The following TTC7B variants were observed in gnomAD, a reference collection of about 807,000 sequenced individuals.
TTC7B encodes tetratricopeptide repeat domain 7B.
A neutral mutation model predicts 106.8 loss-of-function variants in TTC7B; 28 were observed. That is an observed-to-expected ratio of 0.26 (90% CI 0.19 to 0.36). The LOEUF (loss-of-function observed/expected upper bound fraction) is 0.36. TTC7B is among the 10% of genes least tolerant of loss of function. The pLI, the probability that TTC7B is intolerant of heterozygous loss-of-function variation, is 1.00. For missense variants in TTC7B, 862 were observed against 1,076.4 expected (o/e 0.80, Z 2.79); for synonymous variants, 405 against 430.6 (o/e 0.94, Z 0.74).
chr14:90,573,601 T>TCTCCGG (rs1181529242), intron 19 of TTC7B, among the ~76,000 whole-genome samples: 41 of 146,412 alleles, frequency 2.8e-4, no homozygotes, highest in Non-Finnish European at 5.1e-4. Context: ...TCACGGTCCC[T>TCTCCGG]CTCAGCTCAC....
chr14:90,690,293 C>T lies in TTC7B; in HGVS notation c.778-581G>A, dbSNP rs79791043. On this transcript the variant is annotated intron_variant, in intron 6 of 19. Coordinates refer to ENST00000328459, the MANE Select transcript of TTC7B (RefSeq NM_001010854.2). ...CTCCTGGCCCAGAGGTTTTCACTGG[C>T]CTTGTGCAATAGGGAAGGCAAAGTG... 2.6e-3 allele frequency among the ~76,000 whole-genome samples: 401 copies of T among 152,294 alleles called. 2 individuals are homozygous for T. Among genetic ancestry groups the T allele is most frequent in the African/African-American group, 9.1e-3 (377 of 41,554 alleles).
chr14:90,731,209 C>T (rs1390299426), intron 4 of TTC7B, among the ~76,000 whole-genome samples: 3 of 152,142 alleles, frequency 2.0e-5, no homozygotes, highest in Non-Finnish European at 4.4e-5. Flanking sequence ...CCTTGGCCTC[C>T]CAAAGTGCTG....
chr14:90,709,918 T>C (rs1749709), intron 5 of TTC7B, among the ~76,000 whole-genome samples: 4 of 145,398 alleles, frequency 2.8e-5, no homozygotes, highest in Non-Finnish European at 6.0e-5. Context: ...TTCTAATGAG[T>C]GCAATTTCAT....
At chr14:90,618,094 G>T (rs762833013) in intron 15 of TTC7B, 49 bp from the exon 16 acceptor site, 19 of 1,400,154 alleles carry the variant, frequency 1.4e-5, no homozygotes, top group Non-Finnish European at 1.9e-5. Context: ...AAGCCACAGA[G>T]TCCCCATCCC....
intron 1 of TTC7B, among the ~76,000 whole-genome samples, chr14:90,799,573 A>G (rs1178623683): frequency 6.6e-6 from 1 of 152,168 alleles, no homozygotes; most frequent in East Asian, 1.9e-4. Flanking sequence ...GGAGTCAGTC[A>G]TGCCCAGATC....
intron 9 of TTC7B, among the ~76,000 whole-genome samples, chr14:90,669,189 C>G (rs2139915122): frequency 6.6e-6 from 1 of 152,090 alleles, no homozygotes; most frequent in East Asian, 1.9e-4. Flanking sequence ...GGACTCCTAC[C>G]TCACACCATA....
intron 19 of TTC7B, among the ~76,000 whole-genome samples, chr14:90,571,397 G>T (rs923951058): frequency 6.6e-6 from 1 of 152,164 alleles, no homozygotes; most frequent in Admixed American, 6.5e-5. Context: ...TGCAGTTATA[G>T]CGAGGAAAGG....
chr14:90,758,764 C>A (rs1289426734), intron 3 of TTC7B, among the ~76,000 whole-genome samples: 1 of 152,134 alleles, frequency 6.6e-6, no homozygotes, highest in Non-Finnish European at 1.5e-5. Flanking sequence ...CCGGACTCGG[C>A]GGAATCTGCA....
intron 5 of TTC7B, among the ~76,000 whole-genome samples, chr14:90,711,814 A>G (rs547412639): frequency 6.6e-6 from 1 of 152,366 alleles, no homozygotes; most frequent in East Asian, 1.9e-4. Context: ...ACAACCATTA[A>G]AAAGGGTAGA....
chr14:90,586,190 C>T (rs1012322631), intron 18 of TTC7B, among the ~76,000 whole-genome samples: 4 of 152,184 alleles, frequency 2.6e-5, no homozygotes, highest in Admixed American at 2.0e-4. Context: ...CCCTGGCTGC[C>T]GCGATGCCGT....
rs573647609 is a variant in TTC7B, at chr14:90,572,075, C to T, written c.2310+6031G>A. ...ATGAACAGATGGACAATTTAAGAGA[C>T]GAGAGAGAGAGAAAAACACCAGTGT... On this transcript the variant is annotated intron_variant, in intron 19 of 19. Transcript: ENST00000328459. Among the ~76,000 whole-genome samples, 30 of 152,112 alleles carry T rather than the reference C, an allele frequency of 2.0e-4. No homozygotes were observed. The East Asian group carries it at 4.2e-3, about 22-fold the overall frequency.
At chr14:90,762,376 C>T (rs1890529061) in intron 3 of TTC7B, among the ~76,000 whole-genome samples, 1 of 152,216 alleles carries the variant, frequency 6.6e-6, no homozygotes, top group Admixed American at 6.5e-5. Context: ...CAGAATTCAG[C>T]CCACTGAAAT....
At position 90,525,974 on chromosome 14, in the gene TTC7B, T is replaced by A. The variant is rs1429470180; in HGVS notation, c.*15394A>T. The A allele has an allele frequency of 1.3e-3, 180 of 136,886 alleles. 4 individuals carry two copies. Among genetic ancestry groups the A allele is most frequent in the African/African-American group, 4.6e-3 (169 of 36,622 alleles). The allele number at this position is 136,886 out of a possible 1,614,324, so 8.5% of individuals were successfully genotyped here. ...CGATTGGTTAAAAAATAAAAAAAAA[T>A]AAAAAAAATAAAAAAAAAAAAGAAG... On this transcript the variant is annotated 3_prime_UTR_variant, in exon 20 of 20. Transcript: ENST00000328459.
chr14:90,599,606 C>T lies in TTC7B; in HGVS notation c.1967-5980G>A, dbSNP rs185320840. Reference sequence around the variant, plus strand: ...GGGGGAACGATGGCACGTGGCCACACCCCAAGCCCCGTCTCTGTTTGGCAC... The same window carrying T: ...GGGGGAACGATGGCACGTGGCCACATCCCAAGCCCCGTCTCTGTTTGGCAC... On this transcript the variant is annotated intron_variant, in intron 17 of 19. Coordinates refer to ENST00000328459, the MANE Select transcript of TTC7B (RefSeq NM_001010854.2). 2.1e-3 allele frequency among the ~76,000 whole-genome samples: 320 copies of T among 152,322 alleles called. 2 individuals are homozygous for T. Among genetic ancestry groups the T allele is most frequent in the South Asian group, 5.2e-3 (25 of 4,822 alleles).
Position 90,802,981 on chromosome 14 carries a change from A to AAG in TTC7B, c.121+13193_121+13194insCT, listed in dbSNP as rs1238005132. On this transcript the variant is annotated intron_variant, in intron 1 of 19. Coordinates refer to ENST00000328459, the MANE Select transcript of TTC7B (RefSeq NM_001010854.2). This position sits in a 1 kb window ranked among gnomAD's most constrained non-coding sequence, Gnocchi z 4.7. ...ACCCCATCTCTGCTAAAAAAAAAAA[A>AAG]AAATACAAAAAATTAGCTGGATGTG... 6.6e-6 allele frequency among the ~76,000 whole-genome samples: 1 copy of AAG among 151,440 alleles called. No homozygotes were observed. The highest frequency in any genetic ancestry group is 6.6e-5 in the Admixed American group (1 of 15,200).
At chr14:90,798,709 C>CAAAAAAAAAAAAAAAA (rs36223089) in intron 1 of TTC7B, among the ~76,000 whole-genome samples, 1 of 52,290 alleles carries the variant, frequency 1.9e-5, no homozygotes, top group Non-Finnish European at 3.6e-5. Flanking sequence ...GACTCCATCT[C>CAAAAAAAAAAAAAAAA]AAAAAAAAAA....
rs940097595 is a variant in TTC7B at position 90,652,992 on chromosome 14, T to C, written c.1460-94A>G. ...ACAAAACCTGTACATTCAACTGGAT[T>C]AAAAGCAACAATGTCTGAGTGCCTA... is the stretch of plus-strand genomic sequence containing the variant. On this transcript the variant is annotated intron_variant, in intron 12 of 19. Coordinates refer to ENST00000328459, the MANE Select transcript of TTC7B (RefSeq NM_001010854.2). 5.3e-6 allele frequency: 7 copies of C among 1,329,110 alleles called. No homozygotes were observed. In the Admixed American group the frequency reaches 6.8e-5, roughly 13 times the overall value. 82.3% of individuals were successfully genotyped at this position (1,329,110 alleles called of 1,614,324 possible).
intron 1 of TTC7B, among the ~76,000 whole-genome samples, chr14:90,801,921 T>C (rs1286324): frequency 0.73 from 111,165 of 151,766 alleles, 41,251 homozygotes; most frequent in Middle Eastern, 0.82. Context: ...ATTAGCCAGG[T>C]ATGGTGGTGG....
chr14:90,658,244 T>C, intron 10 of TTC7B, 60 bp downstream of exon 10: 3 of 1,412,584 alleles, frequency 2.1e-6, no homozygotes, highest in Non-Finnish European at 1.0e-6. Flanking sequence ...TCCATGACAT[T>C]CAACTCTTTG....
Sources: allele counts gnomAD v4.1 joint callset (sites outside exome capture counted in the v4.1 genomes callset), GRCh38; gene constraint gnomAD v4.1.1; non-coding constraint Gnocchi (gnomAD v3.1); transcripts MANE v1.5; gene names NCBI Gene and HGNC (gene_info 2026-07-23, HGNC 2026-07-21).